Variants in MCTP2 observed in about 807,000 individuals in gnomAD.
The protein encoded by MCTP2 is multiple C2 and transmembrane domain-containing protein 2.
MCTP2 carries 132 observed loss-of-function variants against 111.6 expected under a neutral mutation model. The ratio of observed to expected loss-of-function variants is 1.18; its 90% CI spans 1.03 to 1.37. The LOEUF (loss-of-function observed/expected upper bound fraction) is 1.37, where lower values mean the gene tolerates loss of function less well. MCTP2 is among the 40% of genes most tolerant of loss of function. MCTP2 has a pLI of 0.00. For synonymous variants in MCTP2, 395 were observed against 387.7 expected (o/e 1.02, Z -0.22); for missense variants, 1,183 against 1,067.9 (o/e 1.11, Z -1.50).
rs544409482 is a variant in MCTP2, at chr15:94,413,513, C to T, written c.2085+11494C>T. On this transcript the variant is annotated intron_variant, in intron 17 of 22. Transcript: ENST00000357742. ...TGCTTATGTCATTGGCTAGGTTTCA[C>T]TTCTATAAAGGCCTTTGCTCTTGGG... Among the ~76,000 whole-genome samples the T allele has an allele frequency of 7.9e-5, 12 of 151,562 alleles. No individual in the cohort carries two copies. In the South Asian group the frequency reaches 2.5e-3, roughly 32 times the overall value.
chr15:94,383,996 G>T, intron 12 of MCTP2, 26 bp from the exon 13 acceptor site: 1 of 1,509,204 alleles, frequency 6.6e-7, no homozygotes, highest in South Asian at 1.1e-5. Flanking sequence ...ACTTGTCTTT[G>T]ACCGATGTGT....
At chr15:94,389,315 G>A (rs1427365112) in intron 14 of MCTP2, among the ~76,000 whole-genome samples, 2 of 152,084 alleles carry the variant, frequency 1.3e-5, no homozygotes, top group Non-Finnish European at 2.9e-5. Flanking sequence ...TGGGAGCTCA[G>A]GGTGGGCATG....
rs754054630 is a variant in MCTP2 at position 94,298,569 on chromosome 15, G to T, written c.304G>T (p.Glu102Ter). The change falls in exon 2 of 23, where the codon GAA becomes TAA. Residue 102 changes from glutamate (E) to a stop codon, truncating the protein, a stop_gained. Coordinates refer to ENST00000357742, the MANE Select transcript of MCTP2 (RefSeq NM_001385001.1). LOFTEE classifies it high-confidence loss of function. Reference sequence around the variant, plus strand: ...TAGCTCCTTGAAACAGTCTGAAGAAGAATTGGATTGGAGCCAGGAAGAAGC... The same window carrying T: ...TAGCTCCTTGAAACAGTCTGAAGAATAATTGGATTGGAGCCAGGAAGAAGC... ...SSSSLKQSEEELDWSQEEASH... is the reference protein window; with the variant it reads ...SSSSLKQSEE 6.2e-7 allele frequency: 1 copy of T among 1,614,158 alleles called. No homozygotes were observed. The highest frequency in any genetic ancestry group is 1.1e-5 in the South Asian group (1 of 91,084).
chr15:94,434,633 G>T (rs1002122440), intron 17 of MCTP2, among the ~76,000 whole-genome samples: 3 of 151,486 alleles, frequency 2.0e-5, no homozygotes, highest in South Asian at 2.1e-4. Flanking sequence ...CCATTTTTTC[G>T]ATTGAATTAC....
chr15:94,403,291 A>G, intron 17 of MCTP2: 1 of 972,808 alleles, frequency 1.0e-6, no homozygotes, highest in Non-Finnish European at 1.2e-6. Flanking sequence ...GCATTTGTTT[A>G]TCCACTTCCC....
chr15:94,396,183 C>T (rs115400539), intron 14 of MCTP2, among the ~76,000 whole-genome samples: 54 of 152,272 alleles, frequency 3.5e-4, no homozygotes, highest in African/African-American at 1.3e-3. Context: ...AAGTGAAGTC[C>T]TCCCAAATGT....
intron 1 of MCTP2, among the ~76,000 whole-genome samples, chr15:94,296,719 G>A (rs181587744): frequency 6.6e-6 from 1 of 152,330 alleles, no homozygotes; most frequent in East Asian, 1.9e-4. Context: ...GGTGGGTGAG[G>A]CAATGGAGGC....
chr15:94,341,013 A>T, intron 7 of MCTP2, 89 bp downstream of exon 7: 1 of 820,148 alleles, frequency 1.2e-6, no homozygotes, highest in Non-Finnish European at 2.1e-6. Flanking sequence ...CTAGCAGATG[A>T]CTGATGTTTT....
Position 94,476,813 on chromosome 15 carries a change from C to T in MCTP2, c.2568+20C>T. On this transcript the variant is annotated intron_variant, in intron 22 of 22. Transcript: ENST00000357742. ...CAAAAGGTATGTAATGAATGGTTAC[C>T]ACCAACAGTGGCCCCAACCTGAAAT... 1 of 1,379,530 alleles carries T rather than the reference C, an allele frequency of 7.2e-7. No individual in the cohort carries two copies. The highest frequency in any genetic ancestry group is 1.0e-6 in the Non-Finnish European group (1 of 969,350). 85.5% of individuals were successfully genotyped at this position (1,379,530 alleles called of 1,614,324 possible).
At chr15:94,245,619 T>C (rs536965278) in intron 1 of MCTP2, among the ~76,000 whole-genome samples, 1 of 145,562 alleles carries the variant, frequency 6.9e-6, no homozygotes, top group African/African-American at 2.5e-5. Context: ...CATATGTACA[T>C]GTATATATAC....
intron 19 of MCTP2, among the ~76,000 whole-genome samples, chr15:94,445,265 A>G (rs957329167): frequency 6.6e-6 from 1 of 152,222 alleles, no homozygotes; most frequent in Non-Finnish European, 1.5e-5. Context: ...CCCTCCAGAG[A>G]AAGTTTATTC....
intron 2 of MCTP2, among the ~76,000 whole-genome samples, chr15:94,313,819 GA>G: frequency 6.6e-6 from 1 of 152,224 alleles, no homozygotes; most frequent in Non-Finnish European, 1.5e-5. Context: ...CTAGCCCCAT[GA>G]AGGTATGGCT....
intron 17 of MCTP2, among the ~76,000 whole-genome samples, chr15:94,433,894 C>T (rs935903229): frequency 6.6e-6 from 1 of 151,930 alleles, no homozygotes; most frequent in Non-Finnish European, 1.5e-5. Flanking sequence ...ATTAATATGG[C>T]TTTTTTGTGT....
chr15:94,450,659 G>T (rs963633468), intron 19 of MCTP2, among the ~76,000 whole-genome samples: 1 of 152,090 alleles, frequency 6.6e-6, no homozygotes, highest in Non-Finnish European at 1.5e-5. Flanking sequence ...GTATATTTTT[G>T]CATCTTTAGT....
At chr15:94,470,568 C>T (rs779495115) in intron 21 of MCTP2, 126 bp downstream of exon 21, 7 of 762,902 alleles carry the variant, frequency 9.2e-6, no homozygotes, top group Non-Finnish European at 1.5e-5. Flanking sequence ...TTAAGGAAAG[C>T]ATTTGGGGAA....
At chr15:94,352,707 G>A (rs982176172) in intron 8 of MCTP2, among the ~76,000 whole-genome samples, 1 of 152,196 alleles carries the variant, frequency 6.6e-6, no homozygotes, top group Non-Finnish European at 1.5e-5. Context: ...TCGGGCACAG[G>A]CATGAAAACC....
At chr15:94,271,877 C>G (rs906501943) in intron 1 of MCTP2, among the ~76,000 whole-genome samples, 1 of 152,162 alleles carries the variant, frequency 6.6e-6, no homozygotes, top group African/African-American at 2.4e-5. Flanking sequence ...TTTGGGCTAA[C>G]CTTTCAATTA....
intron 19 of MCTP2, among the ~76,000 whole-genome samples, chr15:94,443,475 T>C (rs2083906823): frequency 6.6e-6 from 1 of 152,180 alleles, no homozygotes; most frequent in Non-Finnish European, 1.5e-5. Flanking sequence ...CAGACAAACC[T>C]TCTGGAATAA....
At chr15:94,242,907 A>G (rs1012354156) in intron 1 of MCTP2, among the ~76,000 whole-genome samples, 6 of 147,786 alleles carry the variant, frequency 4.1e-5, no homozygotes, top group African/African-American at 1.5e-4. Flanking sequence ...ATATATATGT[A>G]TACACATATA....
Sources: gnomAD v4.1 joint callset for allele counts (sites outside exome capture counted in the v4.1 genomes callset) on GRCh38, gnomAD v4.1.1 for gene constraint, MANE v1.5 for transcripts, NCBI Gene and HGNC (gene_info 2026-07-23, HGNC 2026-07-21) for gene names.